TENT4A: variants seen among roughly 807,000 people sequenced by gnomAD.
TENT4A encodes the protein DNA polymerase kappa.
TENT4A carries 7 observed loss-of-function variants against 72.8 expected under a neutral mutation model. That is an observed-to-expected ratio of 0.10 (90% confidence interval 0.05 to 0.18). The LOEUF is 0.18. Ranked by LOEUF, TENT4A falls within the 10% of genes least tolerant of loss-of-function variation. The pLI is 1.00. For synonymous variants in TENT4A, 456 were observed against 434.3 expected, an observed-to-expected ratio of 1.05 and a Z score of -0.62; for missense variants, 831 against 1,017.7, an observed-to-expected ratio of 0.82 and a Z score of 2.50.
chr5:6,754,899 A>C lies in TENT4A; in HGVS notation c.2333A>C (p.Lys778Thr). ...QYNRTGWRRKKHTHTRDSLPV... is the reference protein window; with the variant it reads ...QYNRTGWRRKTHTHTRDSLPV... ...AACCGCACCGGCTGGAGGAGGAAAA[A>C]ACACACACACACACGGGACAGTCTG... Residue 778 changes from lysine (K) to threonine (T), a missense_variant, in exon 13 of 13, where the codon AAA becomes ACA. This residue lies in a region of TENT4A where 332 missense variants were observed against 324.3 expected (regional missense o/e 1.02). Coordinates refer to ENST00000230859, the MANE Select transcript of TENT4A (RefSeq NM_006999.6). 6.3e-7 allele frequency: 1 copy of C among 1,599,148 alleles called. No homozygotes were observed. The highest frequency in any genetic ancestry group is 8.6e-7 in the Non-Finnish European group (1 of 1,169,380).
chr5:6,746,860 G>A (rs915935191), intron 7 of TENT4A, among the ~76,000 whole-genome samples: 1 of 152,148 alleles, frequency 6.6e-6, no homozygotes, highest in African/African-American at 2.4e-5. Flanking sequence ...AAACACGTTT[G>A]TCACTTGGCT....
chr5:6,749,216 C>T (rs535717642), intron 8 of TENT4A, among the ~76,000 whole-genome samples: 3 of 152,140 alleles, frequency 2.0e-5, no homozygotes, highest in Admixed American at 2.0e-4. Context: ...CTCTGGGCCC[C>T]ATGTAGGGCA....
intron 4 of TENT4A, among the ~76,000 whole-genome samples, chr5:6,741,671 C>T (rs148940771): frequency 2.3e-3 from 346 of 152,370 alleles, no homozygotes; most frequent in African/African-American, 7.9e-3. Context: ...TGTCCTCACA[C>T]GCTGAGTCCT....
In TENT4A at chr5:6,737,580, G is replaced by C. The variant is rs201401259; in HGVS notation, c.787G>C (p.Glu263Gln). 7.4e-6 allele frequency: 12 copies of C among 1,614,178 alleles called. No individual in the cohort carries two copies. Among genetic ancestry groups the C allele is most frequent in the Non-Finnish European group, 1.0e-5 (12 of 1,180,000 alleles). Reference sequence around the variant, plus strand: ...TCCTGAAGAAGCAGCTATGAGAAGAGAGGTGGTGAAACGGATCGAAACTGT... The same window carrying C: ...TCCTGAAGAAGCAGCTATGAGAAGACAGGTGGTGAAACGGATCGAAACTGT... ...PCPEEAAMRR[E>Q]VVKRIETVVK... Residue 263 changes from glutamate (E) to glutamine (Q), a missense_variant, in exon 2 of 13, where the codon GAG becomes CAG. Glu to Gln is a conservative substitution (Grantham distance 29). Coordinates refer to ENST00000230859, the MANE Select transcript of TENT4A (RefSeq NM_006999.6).
chr5:6,732,865 T>C (rs958454485), intron 1 of TENT4A, among the ~76,000 whole-genome samples: 7 of 152,224 alleles, frequency 4.6e-5, no homozygotes, highest in African/African-American at 1.7e-4. Context: ...GCCTTGCTAA[T>C]GTCCCAGGAT....
chr5:6,750,403 C>T lies in TENT4A; in HGVS notation c.1760C>T (p.Ser587Phe). The T allele has an allele frequency of 6.2e-7, 1 of 1,613,394 alleles. No individual in the cohort carries two copies. Residue 587 changes from serine (S) to phenylalanine (F), a missense_variant, in exon 10 of 13, where the codon TCT becomes TTT. Physicochemically the swap from Ser to Phe is radical, Grantham distance 155 (BLOSUM62 -2). Around this residue, in one of 3 missense-constraint regions of TENT4A, gnomAD observed 332 missense variants for 324.3 expected, o/e 1.02. Coordinates refer to ENST00000230859, the MANE Select transcript of TENT4A (RefSeq NM_006999.6). ...CAGACGCAGAACCGAGAGCCCGAGTCTCCCTATGGCCAGCGCTTGACTTTG... is the reference window on the plus strand; with the variant it reads ...CAGACGCAGAACCGAGAGCCCGAGTTTCCCTATGGCCAGCGCTTGACTTTG... Reference protein sequence around the residue: ...GEQTQNREPESPYGQRLTLSL... With the variant: ...GEQTQNREPEFPYGQRLTLSL...
rs1305199641 is a variant in TENT4A at position 6,749,541 on chromosome 5, C to T, written c.1587-16C>T. 6.4e-7 allele frequency: 1 copy of T among 1,559,396 alleles called. No individual in the cohort carries two copies. The highest frequency in any genetic ancestry group is 1.7e-5 in the Admixed American group (1 of 59,834). On this transcript the variant is annotated splice_polypyrimidine_tract_variant and intron_variant, in intron 8 of 12. Coordinates refer to ENST00000230859, the MANE Select transcript of TENT4A (RefSeq NM_006999.6). ...CCTGTTGTACTCTGTTGATCTCCAA[C>T]AATGTCCCTTTGCAGTACTTTAGGA...
chr5:6,714,215 C>T lies in TENT4A; in HGVS notation c.232C>T (p.Pro78Ser), dbSNP rs1342208109. The change falls in exon 1 of 13, where the codon CCC becomes TCC. Residue 78 changes from proline to serine, a missense_variant. Physicochemically the swap from Pro to Ser is moderately conservative, Grantham distance 74. Around this residue, in one of 3 missense-constraint regions of TENT4A, gnomAD observed 302 missense variants for 293.8 expected, o/e 1.03. Transcript: ENST00000230859. ...CGCCGCGTCGCCCCCGCCGCCCGGC[C>T]CCACCGCGCCCGCCGCGCTGCCCCC... ...LPAASPPPPG[P>S]TAPAALPPAL... 7 of 979,072 alleles carry T rather than the reference C, an allele frequency of 7.1e-6. No individual in the cohort carries two copies. Among genetic ancestry groups the T allele is most frequent in the Non-Finnish European group, 7.3e-6 (6 of 827,034 alleles). 60.6% of individuals were successfully genotyped at this position (979,072 alleles called of 1,614,324 possible). A position where few individuals can be genotyped will look rare whatever the true frequency, so the allele number is the denominator to read the frequency against.
chr5:6,749,223 G>C (rs1460240160), intron 8 of TENT4A, among the ~76,000 whole-genome samples: 3 of 152,094 alleles, frequency 2.0e-5, no homozygotes, highest in African/African-American at 7.2e-5. Flanking sequence ...CCCCATGTAG[G>C]GCACTCGTCT....
intron 6 of TENT4A, chr5:6,745,853 G>T: frequency 2.8e-6 from 1 of 354,368 alleles, no homozygotes. Context: ...AACGAAATTA[G>T]GATGACGAGA....
intron 5 of TENT4A, 54 bp from the exon 6 acceptor site, chr5:6,743,658 C>T (rs1014582416): frequency 1.1e-5 from 16 of 1,398,610 alleles, no homozygotes; most frequent in Non-Finnish European, 1.6e-5. Flanking sequence ...TATGTGAAAT[C>T]TCTTTGAAAG....
chr5:6,738,679 T>C lies in TENT4A; in HGVS notation c.841-4T>C. Reference sequence around the variant, plus strand: ...CATTTTAAGGCAACCACTCTTTCTTTCAGGTACAGATATTTGGCAGCTTTA... The same window carrying C: ...CATTTTAAGGCAACCACTCTTTCTTCCAGGTACAGATATTTGGCAGCTTTA... On this transcript the variant is annotated splice_region_variant and splice_polypyrimidine_tract_variant and intron_variant, in intron 2 of 12. Coordinates refer to ENST00000230859, the MANE Select transcript of TENT4A (RefSeq NM_006999.6). The C allele has an allele frequency of 6.2e-7, 1 of 1,611,378 alleles. No homozygotes were observed. The highest frequency in any genetic ancestry group is 8.5e-7 in the Non-Finnish European group (1 of 1,177,438).
chr5:6,716,704 T>A (rs1163888105), intron 1 of TENT4A, among the ~76,000 whole-genome samples: 1 of 152,298 alleles, frequency 6.6e-6, no homozygotes, highest in South Asian at 2.1e-4. Context: ...CAGATGCCCC[T>A]AGGTCCTGGC....
chr5:6,730,421 C>T (rs1243218045), intron 1 of TENT4A, among the ~76,000 whole-genome samples: 1 of 152,206 alleles, frequency 6.6e-6, no homozygotes, highest in Non-Finnish European at 1.5e-5. Context: ...TCGGTCTTAA[C>T]CTTTTTCACC....
At chr5:6,731,872 C>T (rs1741231635) in intron 1 of TENT4A, among the ~76,000 whole-genome samples, 2 of 152,222 alleles carry the variant, frequency 1.3e-5, no homozygotes, top group Non-Finnish European at 2.9e-5. Context: ...TAGTATGTTC[C>T]TGTATGTTCC....
Position 6,750,540 on chromosome 5 carries a change from A to G in TENT4A, c.1860+37A>G, listed in dbSNP as rs372017794. ...CCCCTCCTCCGTGTGTCTGTTGGAC[A>G]GTTTGTGTCTCTGGTAAATGTCCAT... is the stretch of plus-strand genomic sequence containing the variant. On this transcript the variant is annotated intron_variant, in intron 10 of 12. Transcript: ENST00000230859. 2.0e-5 allele frequency: 30 copies of G among 1,505,314 alleles called. No individual in the cohort carries two copies. The African/African-American group carries it at 2.6e-4, about 13-fold the overall frequency. The allele number at this position is 1,505,314 out of a possible 1,614,324, so 93.2% of individuals were successfully genotyped here.
rs1165923000 is a variant in TENT4A, at chr5:6,714,687, C to T, written c.704C>T (p.Pro235Leu). The change falls in exon 1 of 13, where the codon CCG becomes CTG. Residue 235 changes from proline (P) to leucine (L), a missense_variant. Pro to Leu is a moderately conservative substitution (Grantham distance 98). Transcript: ENST00000230859. ...CCGTGGAAGAGCCGCGCGTACAGCC[C>T]GGGCATCCAGGGGTGAGTGCGCGGG... is the stretch of plus-strand genomic sequence containing the variant. ...GTPWKSRAYS[P>L]GIQGLHEEII... is the part of the protein sequence containing the mutation. 1.2e-5 allele frequency: 14 copies of T among 1,194,006 alleles called. No individual in the cohort carries two copies. Among genetic ancestry groups the T allele is most frequent in the Non-Finnish European group, 1.3e-5 (13 of 963,516 alleles). The allele number at this position is 1,194,006 out of a possible 1,614,324, so 74.0% of individuals were successfully genotyped here.
At chr5:6,754,348 T>C (rs1420683298) in intron 12 of TENT4A, among the ~76,000 whole-genome samples, 2 of 152,174 alleles carry the variant, frequency 1.3e-5, no homozygotes, top group African/African-American at 4.8e-5. Context: ...TTTGTATTTT[T>C]AGTAGAGACG....
chr5:6,714,741 T>TGGTCGTGGCCGGCGCCCGC (rs1554005816), intron 1 of TENT4A, 42 bp downstream of exon 1: 1 of 1,002,924 alleles, frequency 1.0e-6, no homozygotes, highest in Non-Finnish European at 1.3e-6. Flanking sequence ...GCGGGGCCCA[T>TGGTCGTGGCCGGCGCCCGC]GGTCCTGGCC....
Sources: allele counts gnomAD v4.1 joint callset (sites outside exome capture counted in the v4.1 genomes callset), GRCh38; gene constraint gnomAD v4.1.1; regional missense constraint gnomAD v4.1.1; transcripts MANE v1.5; gene names NCBI Gene and HGNC (gene_info 2026-07-23, HGNC 2026-07-21).